Variants in FBXO27 observed in about 807,000 individuals in gnomAD.
The protein encoded by FBXO27 is F-box only protein 27.
In FBXO27, 28 loss-of-function variants were observed where a neutral mutation model predicts 28.3. The observed-to-expected ratio is 0.99, with a 90% confidence interval of 0.73 to 1.36. FBXO27 has a LOEUF of 1.36. Ranked by LOEUF, FBXO27 falls within the 40% of genes most tolerant of loss-of-function variation. FBXO27 has a pLI of 0.00. For synonymous variants in FBXO27, 175 were observed against 167.3 expected, an observed-to-expected ratio of 1.05 and a Z score of -0.36; for missense variants, 388 against 394.1, an observed-to-expected ratio of 0.98 and a Z score of 0.13.
At chr19:39,025,735 G>A (rs768545289) in intron 5 of FBXO27, among the ~76,000 whole-genome samples, 181 bp from the exon 6 acceptor site, 1 of 152,084 alleles carries the variant, frequency 6.6e-6, no homozygotes, top group Non-Finnish European at 1.5e-5. Flanking sequence ...GAATCTGGTC[G>A]GGTGCGGTAT....
rs776973730 is a variant in FBXO27 at position 39,032,017 on chromosome 19, G to C, written c.211C>G (p.Leu71Val). The change falls in exon 2 of 6, where the codon CTG (leucine) becomes GTG (valine). Residue 71 changes from leucine (L) to valine (V), a missense_variant. Leu to Val is a conservative substitution (Grantham distance 32, BLOSUM62 1). Transcript: ENST00000292853. The surrounding 1 kb of genome is among the most constrained non-coding windows in gnomAD (Gnocchi z 4.7). ...VDGQALWLLI[L>V]ARDHGATGRA... The stretch of plus-strand genomic sequence containing the variant: ...CCGGTGGCGCCGTGGTCGCGGGCCA[G>C]GATCAGCAGCCACAGGGCCTGGCCG... 6.6e-7 allele frequency: 1 copy of C among 1,526,252 alleles called. No individual in the cohort carries two copies. The highest frequency in any genetic ancestry group is 2.7e-5 in the East Asian group (1 of 37,724). The allele number at this position is 1,526,252 out of a possible 1,614,324, so 94.5% of individuals were successfully genotyped here.
At chr19:39,028,194 G>A (rs1163882777) in intron 4 of FBXO27, among the ~76,000 whole-genome samples, 3 of 152,040 alleles carry the variant, frequency 2.0e-5, no homozygotes, top group Admixed American at 6.6e-5. Context: ...TCGCACCATT[G>A]CACTCCAGCC....
intron 2 of FBXO27, among the ~76,000 whole-genome samples, chr19:39,010,375 A>G (rs1054928455): frequency 1.3e-5 from 2 of 151,908 alleles, no homozygotes; most frequent in African/African-American, 4.8e-5. Context: ...TCTTTCCCCC[A>G]CTGAATGGTC....
At position 39,031,419 on chromosome 19, in the gene FBXO27, GCTCA is replaced by G. The variant is rs1395943769; in HGVS notation, c.365-103_365-100del. ...GCCCCTCCCACGTGCTCACAGTGCA[GCTCA>G]CTCACCTGACCCTTCCCACCGAGGC... On this transcript the variant is annotated intron_variant, in intron 2 of 5. Coordinates refer to ENST00000292853, the MANE Select transcript of FBXO27 (RefSeq NM_178820.5). The G allele has an allele frequency of 7.9e-5, 86 of 1,086,892 alleles. 1 individual carries two copies. The East Asian group carries it at 2.1e-3, about 27-fold the overall frequency. 67.3% of individuals were successfully genotyped at this position (1,086,892 alleles called of 1,614,324 possible).
In FBXO27 at chr19:39,025,183, GC is replaced by G. The variant is rs913803686; in HGVS notation, c.*227del. On this transcript the variant is annotated 3_prime_UTR_variant, in exon 6 of 6. Transcript: ENST00000292853. ...GTGGGTTTCCCCTCAGTACAGTAGGGCCCCCCCGCAAAGCAGCAGCTGCAGT... is the reference window on the plus strand; with the variant it reads ...GTGGGTTTCCCCTCAGTACAGTAGGGCCCCCCGCAAAGCAGCAGCTGCAGT... 2.2e-5 allele frequency: 12 copies of G among 553,524 alleles called. No homozygotes were observed. Among genetic ancestry groups the G allele is most frequent in the Admixed American group, 3.4e-5 (1 of 29,370 alleles). The allele number at this position is 553,524 out of a possible 1,614,324, so 34.3% of individuals were successfully genotyped here.
At chr19:39,029,666 G>A (rs1229818914) in intron 4 of FBXO27, among the ~76,000 whole-genome samples, 1 of 152,052 alleles carries the variant, frequency 6.6e-6, no homozygotes, top group Non-Finnish European at 1.5e-5. Context: ...TGGCTGTAGT[G>A]GACCTGGAAT....
intron 2 of FBXO27, among the ~76,000 whole-genome samples, chr19:39,008,646 T>C (rs2072781488): frequency 6.6e-6 from 1 of 152,134 alleles, no homozygotes; most frequent in African/African-American, 2.4e-5. Context: ...CTGTGAGCAG[T>C]CACTCTCCAT....
intron 2 of FBXO27, among the ~76,000 whole-genome samples, chr19:39,011,718 T>G (rs1195842423): frequency 1.3e-5 from 2 of 150,734 alleles, no homozygotes; most frequent in Non-Finnish European, 3.0e-5. Context: ...CTCCCTTTGT[T>G]GCCCCGGCTG....
intron 2 of FBXO27, among the ~76,000 whole-genome samples, chr19:39,007,621 CT>C (rs144095751): frequency 0.068 from 10,397 of 151,948 alleles, 1,211 homozygotes; most frequent in African/African-American, 0.24. Context: ...TGTGTTTGGG[CT>C]TTTTTTCAAA....
At chr19:39,010,217 G>C (rs751799883) in intron 2 of FBXO27, among the ~76,000 whole-genome samples, 1 of 151,400 alleles carries the variant, frequency 6.6e-6, no homozygotes, top group African/African-American at 2.4e-5. Flanking sequence ...ATCATAAAGA[G>C]ATATCCCTGT....
chr19:39,027,091 G>A, intron 4 of FBXO27, 86 bp from the exon 5 acceptor site: 1 of 1,541,526 alleles, frequency 6.5e-7, no homozygotes, highest in Non-Finnish European at 8.8e-7. Flanking sequence ...CCCTTCCCAT[G>A]TGTGCAAATC....
Position 39,025,190 on chromosome 19 carries a change from C to T in FBXO27, c.*221G>A, listed in dbSNP as rs946584789. Reference sequence around the variant, plus strand: ...TCCCCTCAGTACAGTAGGGCCCCCCCGCAAAGCAGCAGCTGCAGTAGGTAG... The same window carrying T: ...TCCCCTCAGTACAGTAGGGCCCCCCTGCAAAGCAGCAGCTGCAGTAGGTAG... On this transcript the variant is annotated 3_prime_UTR_variant, in exon 6 of 6. Transcript: ENST00000292853. The T allele has an allele frequency of 3.8e-5, 22 of 578,326 alleles. No homozygotes were observed. The highest frequency in any genetic ancestry group is 1.0e-4 in the South Asian group (4 of 38,264). 35.8% of individuals were successfully genotyped at this position (578,326 alleles called of 1,614,324 possible).
At chr19:39,025,663 C>A in intron 5 of FBXO27, 109 bp from the exon 6 acceptor site, 1 of 1,325,916 alleles carries the variant, frequency 7.5e-7, no homozygotes, top group South Asian at 1.5e-5. Flanking sequence ...TATAAAATCT[C>A]CAATTGGGCC....
intron 4 of FBXO27, among the ~76,000 whole-genome samples, chr19:39,027,795 T>C (rs1201941873): frequency 6.6e-6 from 1 of 152,016 alleles, no homozygotes; most frequent in Non-Finnish European, 1.5e-5. Flanking sequence ...ACTATAGGCG[T>C]GAGCCACCAT....
intron 1 of FBXO27, among the ~76,000 whole-genome samples, chr19:39,017,060 G>A (rs759217717): frequency 2.6e-5 from 4 of 152,148 alleles, no homozygotes; most frequent in Non-Finnish European, 5.9e-5. Flanking sequence ...ACTCCAGCCT[G>A]GGTGAGAGTG....
chr19:39,028,934 C>T (rs1600228452), intron 4 of FBXO27, among the ~76,000 whole-genome samples: 1 of 149,932 alleles, frequency 6.7e-6, no homozygotes. Flanking sequence ...CCCAGTTACT[C>T]AGGAGGCTGA....
intron 2 of FBXO27, among the ~76,000 whole-genome samples, chr19:39,007,746 G>T (rs578117886): frequency 6.6e-6 from 1 of 152,114 alleles, no homozygotes; most frequent in Non-Finnish European, 1.5e-5. Flanking sequence ...AGGCTCAAGC[G>T]ATCCTCCCAC....
At chr19:39,031,433 C>T (rs1259049276) in intron 2 of FBXO27, 113 bp from the exon 3 acceptor site, 3 of 917,712 alleles carry the variant, frequency 3.3e-6, no homozygotes, top group African/African-American at 3.3e-5. Flanking sequence ...ACTCACCTGA[C>T]CCTTCCCACC....
chr19:39,022,656 G>A (rs541672039), downstream of FBXO27, among the ~76,000 whole-genome samples: 2 of 151,396 alleles, frequency 1.3e-5, no homozygotes, highest in South Asian at 2.1e-4. Flanking sequence ...AGTCTCTGTC[G>A]CCCAGGCTGG....
Sources: gnomAD v4.1 joint callset for allele counts (sites outside exome capture counted in the v4.1 genomes callset) on GRCh38, gnomAD v4.1.1 for gene constraint, Gnocchi (gnomAD v3.1) non-coding constraint, MANE v1.5 for transcripts, NCBI Gene and HGNC (gene_info 2026-07-23, HGNC 2026-07-21) for gene names.